The following ZNF514 variants were observed in gnomAD, a reference collection of about 807,000 sequenced individuals.
The protein encoded by ZNF514 is zinc finger protein 514.
ZNF514 carries 12 observed loss-of-function variants against 9.7 expected under a neutral mutation model. That is an observed-to-expected ratio of 1.24 (90% CI 0.79 to 2.01). ZNF514 has a LOEUF of 2.01. ZNF514 is among the 30% of genes most tolerant of loss of function. The pLI is 0.00. For missense variants in ZNF514, 467 were observed against 465.5 expected (o/e 1.00, Z -0.03); for synonymous variants, 158 against 163.7 (o/e 0.97, Z 0.27).
intron 2 of ZNF514, chr2:95,153,881 A>G (rs1178361397): frequency 6.6e-6 from 1 of 152,244 alleles, no homozygotes; most frequent in Non-Finnish European, 1.5e-5. Flanking sequence ...CTAAAGAGCA[A>G]AATAGGTGAA....
At chr2:95,131,537 C>T in the ZNF514 span, among the ~76,000 whole-genome samples, 1 of 152,204 alleles carries the variant, frequency 6.6e-6, no homozygotes, top group Admixed American at 6.5e-5. Flanking sequence ...AGTCATAAAC[C>T]ACTGTGGAGC....
At chr2:95,151,803 T>A (rs1341327871) in intron 4 of ZNF514, among the ~76,000 whole-genome samples, 3 of 152,136 alleles carry the variant, frequency 2.0e-5, no homozygotes, top group African/African-American at 7.2e-5. Context: ...TATACCACTG[T>A]TAAATAAACA....
chr2:95,149,162 G>T lies in ZNF514; in HGVS notation c.*120C>A. The T allele has an allele frequency of 8.0e-7, 1 of 1,257,774 alleles. No homozygotes were observed. The highest frequency in any genetic ancestry group is 1.1e-6 in the Non-Finnish European group (1 of 920,942). 77.9% of individuals were successfully genotyped at this position (1,257,774 alleles called of 1,614,324 possible). A position where few individuals can be genotyped will look rare whatever the true frequency, so the allele number is the denominator to read the frequency against. On this transcript the variant is annotated 3_prime_UTR_variant, in exon 5 of 5. Coordinates refer to ENST00000295208, the MANE Select transcript of ZNF514 (RefSeq NM_032788.3). The stretch of plus-strand genomic sequence containing the variant: ...TTCTCTTTAGTAATTATTGCCTGAT[G>T]TGGAACAAGATGTGGTCTTCCCACA...
At chr2:95,128,765 G>T in the ZNF514 span, among the ~76,000 whole-genome samples, 21 of 147,442 alleles carry the variant, frequency 1.4e-4, no homozygotes, top group Non-Finnish European at 3.1e-4. Context: ...AGAAGAAGAG[G>T]GAGAAAGAGA....
Position 95,159,648 on chromosome 2 carries a change from CCCGCG to C in ZNF514, c.-509_-505del. The C allele has an allele frequency of 5.5e-5, 6 of 110,010 alleles. No individual in the cohort carries two copies. Among genetic ancestry groups the C allele is most frequent in the Non-Finnish European group, 1.1e-4 (6 of 53,576 alleles). 6.8% of individuals were successfully genotyped at this position (110,010 alleles called of 1,614,324 possible). A position where few individuals can be genotyped will look rare whatever the true frequency, so the allele number is the denominator to read the frequency against. On this transcript the variant is annotated 5_prime_UTR_variant, in exon 1 of 5. Transcript: ENST00000295208. The stretch of plus-strand genomic sequence containing the variant: ...CCCCGCGCCAGCCCCCGCCCGCCAC[CCCGCG>C]CCAGCCCCCGCCCGCCACCCCGCGC...
chr2:95,143,028 C>T (rs899587021), downstream of ZNF514, among the ~76,000 whole-genome samples: 1 of 152,206 alleles, frequency 6.6e-6, no homozygotes, highest in Non-Finnish European at 1.5e-5. Flanking sequence ...TATACATCAC[C>T]TTAAAGAAAG....
At chr2:95,152,382 T>C (rs2104469601) in intron 4 of ZNF514, among the ~76,000 whole-genome samples, 1 of 152,222 alleles carries the variant, frequency 6.6e-6, no homozygotes, top group South Asian at 2.1e-4. Flanking sequence ...CCCTATACGA[T>C]TGTTGATCCA....
chr2:95,153,558 C>T, intron 2 of ZNF514: 1 of 214,136 alleles, frequency 4.7e-6, no homozygotes, highest in South Asian at 1.6e-4. Flanking sequence ...AACAATAAGG[C>T]CAAATCAAGT....
At position 95,148,640 on chromosome 2, in the gene ZNF514, CAG is replaced by C. The variant is rs1481103820; in HGVS notation, c.*640_*641del. 1.3e-5 allele frequency: 2 copies of C among 152,374 alleles called. No homozygotes were observed. Among genetic ancestry groups the C allele is most frequent in the African/African-American group, 4.8e-5 (2 of 41,556 alleles). The allele number at this position is 152,374 out of a possible 1,614,324, so 9.4% of individuals were successfully genotyped here. Reference sequence around the variant, plus strand: ...GCCCTTCCCACATTCATCACGTCACCAGAGTTTCCAGCTAGTAGGGAGAGTTC... The same window carrying C: ...GCCCTTCCCACATTCATCACGTCACCAGTTTCCAGCTAGTAGGGAGAGTTC... On this transcript the variant is annotated 3_prime_UTR_variant, in exon 5 of 5. Coordinates refer to ENST00000295208, the MANE Select transcript of ZNF514 (RefSeq NM_032788.3).
Position 95,159,643 on chromosome 2 carries a change from GCCACCCCGCGCCAGCCCCCGCCCGCCA to G in ZNF514, c.-526_-500del, listed in dbSNP as rs1673798874. On this transcript the variant is annotated 5_prime_UTR_variant, in exon 1 of 5. Coordinates refer to ENST00000295208, the MANE Select transcript of ZNF514 (RefSeq NM_032788.3). ...CGCCACCCCGCGCCAGCCCCCGCCCGCCACCCCGCGCCAGCCCCCGCCCGCCACCCCGCGCCAGCCCCCGCGTCCGCC... is the reference window on the plus strand; with the variant it reads ...CGCCACCCCGCGCCAGCCCCCGCCCGCCCCGCGCCAGCCCCCGCGTCCGCC... 1.1e-4 allele frequency: 4 copies of G among 35,032 alleles called. No homozygotes were observed. In the East Asian group the frequency reaches 2.6e-3, roughly 23 times the overall value. 2.2% of individuals were successfully genotyped at this position (35,032 alleles called of 1,614,324 possible). A position where few individuals can be genotyped will look rare whatever the true frequency, so the allele number is the denominator to read the frequency against.
the ZNF514 span, among the ~76,000 whole-genome samples, chr2:95,134,776 A>G: frequency 6.6e-6 from 1 of 152,180 alleles, no homozygotes. Context: ...ATTTTTGTAT[A>G]TTGGGTTAGG....
intron 4 of ZNF514, among the ~76,000 whole-genome samples, chr2:95,150,568 T>C (rs530195062): frequency 3.3e-5 from 5 of 152,134 alleles, no homozygotes; most frequent in South Asian, 2.1e-4. Flanking sequence ...GACAAGGAAA[T>C]AGACTAAGTG....
In ZNF514 at chr2:95,147,356, G is replaced by C. The variant is rs138746175; in HGVS notation, c.*1926C>G. On this transcript the variant is annotated 3_prime_UTR_variant, in exon 5 of 5. Transcript: ENST00000295208. ...GATTTTGAAAAATGATTTTATTGAG[G>C]TATATTTACCATAAAATCTGCCCAT... 6 of 152,236 alleles carry C rather than the reference G, an allele frequency of 3.9e-5. No homozygotes were observed. In the East Asian group the frequency reaches 1.2e-3, roughly 29 times the overall value. The allele number at this position is 152,236 out of a possible 1,614,324, so 9.4% of individuals were successfully genotyped here. A position where few individuals can be genotyped will look rare whatever the true frequency, so the allele number is the denominator to read the frequency against.
chr2:95,150,200 G>A lies in ZNF514; in HGVS notation c.285C>T (p.Phe95=), dbSNP rs1401156920. 1.2e-6 allele frequency: 2 copies of A among 1,603,612 alleles called. No homozygotes were observed. Among genetic ancestry groups the A allele is most frequent in the Admixed American group, 1.7e-5 (1 of 59,492 alleles). Residue 95 remains phenylalanine (F), a synonymous_variant, in exon 5 of 5, where the codon TTC becomes TTT. Coordinates refer to ENST00000295208, the MANE Select transcript of ZNF514 (RefSeq NM_032788.3). ...TGTGTTTTTCCACTGATACTACCTG[G>A]AATAATTCTTCTTTGGAAATTCCCC... ...PSWGISKEEL[F]QVVSVEKHIQ...
At position 95,146,118 on chromosome 2, in the gene ZNF514, G is replaced by C. The variant is rs1376954547; in HGVS notation, c.*3164C>G. ...GTTAGTCTTAAGGTCTCTGTTTTAA[G>C]GCAAATGCTGGTCAACTGTGCCTAC... On this transcript the variant is annotated 3_prime_UTR_variant, in exon 5 of 5. Coordinates refer to ENST00000295208, the MANE Select transcript of ZNF514 (RefSeq NM_032788.3). Among the ~76,000 whole-genome samples the C allele has an allele frequency of 6.6e-6, 1 of 152,126 alleles. No homozygotes were observed. The highest frequency in any genetic ancestry group is 2.4e-5 in the African/African-American group (1 of 41,420).
chr2:95,155,106 A>T (rs1208707568), intron 2 of ZNF514: 1 of 152,246 alleles, frequency 6.6e-6, no homozygotes, highest in Non-Finnish European at 1.5e-5. Context: ...AAGCTGATTA[A>T]GTTTTTTAGA....
In ZNF514 at chr2:95,153,218, C is replaced by T; in HGVS notation, c.36G>A (p.Gln12=). ...TFEDVAVEFS[Q]WEWGQLNPAQ... ...CAGGGTTCAGCTGCCCCCACTCCCA[C>T]TGGCTGAATTCCACAGCCACATCTT... is the stretch of plus-strand genomic sequence containing the variant. Residue 12 remains glutamine, a synonymous_variant, in exon 3 of 5, where the codon CAG becomes CAA. Transcript: ENST00000295208. 1 of 1,614,094 alleles carries T rather than the reference C, an allele frequency of 6.2e-7. No individual in the cohort carries two copies. The highest frequency in any genetic ancestry group is 2.2e-5 in the East Asian group (1 of 44,868).
At chr2:95,141,133 T>TA (rs1200956278), downstream of ZNF514, among the ~76,000 whole-genome samples, 2 of 152,064 alleles carry the variant, frequency 1.3e-5, no homozygotes, top group Non-Finnish European at 2.9e-5. Flanking sequence ...AAATCCCCAC[T>TA]AAAGAACTTA....
In ZNF514 at chr2:95,158,984, A is replaced by C. The variant is rs534616549; in HGVS notation, c.-96+256T>G. On this transcript the variant is annotated intron_variant, in intron 1 of 4. Transcript: ENST00000295208. ...CCAAACCTGATGCTGTGGAGTCCAT[A>C]GCTGGGGCTAAGGAGCGGCGTCCTT... 2.3e-6 allele frequency: 3 copies of C among 1,286,080 alleles called. No individual in the cohort carries two copies. The East Asian group carries it at 1.7e-4, about 72-fold the overall frequency. The allele number at this position is 1,286,080 out of a possible 1,614,324, so 79.7% of individuals were successfully genotyped here. A position where few individuals can be genotyped will look rare whatever the true frequency, so the allele number is the denominator to read the frequency against.
Sources: allele counts gnomAD v4.1 joint callset (sites outside exome capture counted in the v4.1 genomes callset), GRCh38; gene constraint gnomAD v4.1.1; transcripts MANE v1.5; gene names NCBI Gene and HGNC (gene_info 2026-07-23, HGNC 2026-07-21).